The following SEC31B variants were observed in gnomAD, a reference collection of about 807,000 sequenced individuals.
SEC31B encodes the protein SEC31 homolog B, COPII component.
A neutral mutation model predicts 135.0 loss-of-function variants in SEC31B; 113 were observed. That is an observed-to-expected ratio of 0.84 (90% confidence interval 0.72 to 0.98). The LOEUF (loss-of-function observed/expected upper bound fraction) is 0.98. Ranked by LOEUF, SEC31B falls within the 50% of genes least tolerant of loss-of-function variation. SEC31B has a pLI of 0.00. For missense variants in SEC31B, 1,296 were observed against 1,421.1 expected, an observed-to-expected ratio of 0.91 and a Z score of 1.42; for synonymous variants, 508 against 549.4, an observed-to-expected ratio of 0.92 and a Z score of 1.05.
chr10:100,512,778 TAAAAG>T (rs1312663211), intron 3 of SEC31B, among the ~76,000 whole-genome samples: 1 of 151,968 alleles, frequency 6.6e-6, no homozygotes, highest in Non-Finnish European at 1.5e-5. Context: ...TACTAGAAAA[TAAAAG>T]GGAATAAGAG....
At chr10:100,496,477 C>A in intron 17 of SEC31B, 46 bp from the exon 18 acceptor site, 1 of 1,600,542 alleles carries the variant, frequency 6.2e-7, no homozygotes, top group Non-Finnish European at 8.5e-7. Context: ...TGAGGCATAT[C>A]CTGCTCTCTA....
rs1005891440 is a variant in SEC31B at position 100,509,342 on chromosome 10, T to C, written c.373A>G (p.Arg125Gly). Reference protein sequence around the residue: ...AQKQKHTGAVRALDLNPFQGN... With the variant: ...AQKQKHTGAVGALDLNPFQGN... ...TGGAAAGGATTCAAGTCGAGGGCTC[T>C]GACAGCCCCCGTGTGCTTCTGTTTC... Residue 125 changes from arginine (R) to glycine (G), a missense_variant, in exon 4 of 26, where the codon AGA (arginine) becomes GGA (glycine). By Grantham distance (125) the Arg-to-Gly change is moderately radical. Transcript: ENST00000370345. 4 of 1,613,904 alleles carry C rather than the reference T, an allele frequency of 2.5e-6. No individual in the cohort carries two copies. Among genetic ancestry groups the C allele is most frequent in the Admixed American group, 1.7e-5 (1 of 59,990 alleles).
At chr10:100,493,233 C>T (rs532546837) in intron 19 of SEC31B, among the ~76,000 whole-genome samples, 5 of 151,992 alleles carry the variant, frequency 3.3e-5, no homozygotes, top group African/African-American at 4.8e-5. Flanking sequence ...ATTATCCGGG[C>T]GTGGTGGCGG....
chr10:100,505,938 G>T, intron 9 of SEC31B, 102 bp downstream of exon 9: 1 of 1,565,106 alleles, frequency 6.4e-7, no homozygotes, highest in Non-Finnish European at 8.7e-7. Flanking sequence ...CCGGGCCCTG[G>T]TCTCCCAATC....
In SEC31B at chr10:100,486,832, C is replaced by A. The variant is rs1564646676; in HGVS notation, c.*784G>T. The stretch of plus-strand genomic sequence containing the variant: ...CCTTAATATGGCTCCAATTCCAGAA[C>A]TGGGCTTTATCATCACAGAAGGAAT... On this transcript the variant is annotated 3_prime_UTR_variant, in exon 26 of 26. Coordinates refer to ENST00000370345, the MANE Select transcript of SEC31B (RefSeq NM_015490.4). The A allele has an allele frequency of 6.6e-6, 1 of 152,226 alleles. No homozygotes were observed. Among genetic ancestry groups the A allele is most frequent in the Non-Finnish European group, 1.5e-5 (1 of 68,072 alleles). 9.4% of individuals were successfully genotyped at this position (152,226 alleles called of 1,614,324 possible).
At chr10:100,518,202 T>C (rs1180050283) in intron 1 of SEC31B, among the ~76,000 whole-genome samples, 2 of 152,202 alleles carry the variant, frequency 1.3e-5, no homozygotes, top group African/African-American at 4.8e-5. Context: ...GCCTACCACT[T>C]CAACTTCATC....
In SEC31B at chr10:100,496,412, A is replaced by G. The variant is rs78296078; in HGVS notation, c.2156T>C (p.Met719Thr). 5.1e-4 allele frequency: 817 copies of G among 1,614,128 alleles called. 5 individuals are homozygous for G. The African/African-American group carries it at 9.9e-3, about 19-fold the overall frequency. ...MALQDLMEKV[M>T]VLNRSLEQLR... ...TTGCTCCAAGCTCCTGTTAAGAACC[A>G]TCACCTTCTCCATCAGGTCCTGTAA... Residue 719 changes from methionine to threonine, a missense_variant, in exon 18 of 26, where the codon ATG (methionine) becomes ACG (threonine). Physicochemically the swap from Met to Thr is moderately conservative, Grantham distance 81. Coordinates refer to ENST00000370345, the MANE Select transcript of SEC31B (RefSeq NM_015490.4).
intron 3 of SEC31B, among the ~76,000 whole-genome samples, chr10:100,511,132 G>A (rs1341093941): frequency 1.3e-5 from 2 of 152,250 alleles, no homozygotes; most frequent in African/African-American, 2.4e-5. Context: ...AAAGAGGGCA[G>A]TTACTTCAGA....
Position 100,507,503 on chromosome 10 carries a change from T to C in SEC31B, c.704A>G (p.Asp235Gly), listed in dbSNP as rs201132275. The change falls in exon 7 of 26, where the codon GAT becomes GGT. Residue 235 changes from aspartate (D) to glycine (G), a missense_variant. By Grantham distance (94) the Asp-to-Gly change is moderately conservative. Coordinates refer to ENST00000370345, the MANE Select transcript of SEC31B (RefSeq NM_015490.4). ...CAGCTGAATCACGGGAAGTCGATCA[T>C]CCTCTGAGCACAGCACTAACTGGGT... ...IATQLVLCSEDDRLPVIQLWD... is the reference protein window; with the variant it reads ...IATQLVLCSEGDRLPVIQLWD... The C allele has an allele frequency of 3.7e-6, 6 of 1,614,044 alleles. No individual in the cohort carries two copies. Among genetic ancestry groups the C allele is most frequent in the Non-Finnish European group, 5.1e-6 (6 of 1,180,034 alleles).
chr10:100,488,244 G>A, intron 24 of SEC31B, 146 bp from the exon 25 acceptor site: 1 of 665,622 alleles, frequency 1.5e-6, no homozygotes, highest in Admixed American at 2.4e-5. Context: ...TGGATCATGA[G>A]GTCAGGAGAT....
intron 19 of SEC31B, among the ~76,000 whole-genome samples, chr10:100,494,580 G>A (rs1057232257): frequency 2.0e-5 from 3 of 152,168 alleles, no homozygotes; most frequent in South Asian, 2.1e-4. Flanking sequence ...AAAAGGCTTC[G>A]GCTTACTCTT....
chr10:100,495,759 G>A (rs1421731485), intron 18 of SEC31B, among the ~76,000 whole-genome samples: 2 of 152,082 alleles, frequency 1.3e-5, no homozygotes, highest in African/African-American at 2.4e-5. Context: ...GTGGAAAACC[G>A]GGATGAGGAA....
chr10:100,487,821 A>G (rs1307286405), intron 25 of SEC31B, 26 bp from the exon 26 acceptor site: 5 of 1,612,724 alleles, frequency 3.1e-6, no homozygotes, highest in Non-Finnish European at 4.2e-6. Context: ...CCCTTAGGTT[A>G]GTGAGCCCAA....
chr10:100,504,635 G>A (rs923964842), intron 10 of SEC31B, among the ~76,000 whole-genome samples: 16 of 152,130 alleles, frequency 1.1e-4, no homozygotes, highest in Non-Finnish European at 1.5e-5. Flanking sequence ...ATGCATATAT[G>A]TATATAAATA....
intron 1 of SEC31B, 60 bp downstream of exon 1, chr10:100,519,722 C>G (rs1403187621): frequency 6.6e-6 from 1 of 152,280 alleles, no homozygotes; most frequent in East Asian, 1.9e-4. Context: ...AGGAGCAGTG[C>G]TCCGGGTCCC....
intron 10 of SEC31B, among the ~76,000 whole-genome samples, chr10:100,505,016 T>G (rs927149742): frequency 2.2e-4 from 32 of 143,284 alleles, no homozygotes; most frequent in Middle Eastern, 3.5e-3. Context: ...AATAAAATGG[T>G]TTTTTTTTTG....
intron 17 of SEC31B, 87 bp from the exon 18 acceptor site, chr10:100,496,518 C>G: frequency 7.0e-7 from 1 of 1,422,572 alleles, no homozygotes; most frequent in Non-Finnish European, 9.7e-7. Context: ...GGATCTCCCA[C>G]TATGGGTACA....
chr10:100,513,284 A>T (rs918000573), intron 3 of SEC31B, among the ~76,000 whole-genome samples: 1 of 152,234 alleles, frequency 6.6e-6, no homozygotes, highest in Non-Finnish European at 1.5e-5. Context: ...ACTTATCAGT[A>T]GGGTTAACTG....
chr10:100,498,265 C>A, intron 14 of SEC31B, 58 bp from the exon 15 acceptor site: 1 of 1,520,436 alleles, frequency 6.6e-7, no homozygotes, highest in Non-Finnish European at 9.1e-7. Flanking sequence ...CTTCCTGCCC[C>A]CTGCAGGGCC....
Sources: gnomAD v4.1 joint callset for allele counts (sites outside exome capture counted in the v4.1 genomes callset) on GRCh38, gnomAD v4.1.1 for gene constraint, MANE v1.5 for transcripts, NCBI Gene and HGNC (gene_info 2026-07-23, HGNC 2026-07-21) for gene names.